PRKAG2: variants seen among roughly 807,000 people sequenced by gnomAD.
The protein encoded by PRKAG2 is protein kinase AMP-activated non-catalytic subunit gamma 2.
In PRKAG2, 26 loss-of-function variants were observed where a neutral mutation model predicts 69.6. The observed-to-expected ratio is 0.37, with a 90% CI of 0.27 to 0.52. The LOEUF (loss-of-function observed/expected upper bound fraction) is 0.52. Among genes scored for constraint, PRKAG2 ranks in the 20% least tolerant of loss-of-function variants. The pLI is 0.90. For missense variants in PRKAG2, 557 were observed against 740.0 expected, an observed-to-expected ratio of 0.75 and a Z score of 2.87; for synonymous variants, 293 against 285.0, an observed-to-expected ratio of 1.03 and a Z score of -0.28.
At chr7:151,865,828 G>C (rs1410957068) in intron 1 of PRKAG2, among the ~76,000 whole-genome samples, 1 of 152,128 alleles carries the variant, frequency 6.6e-6, no homozygotes, top group East Asian at 1.9e-4. Context: ...GACCATCCTG[G>C]CTAACACGGT....
At position 151,632,284 on chromosome 7, in the gene PRKAG2, CG is replaced by C. The variant is rs1824779550; in HGVS notation, c.685-147del. ...GGCAGGGGACGCGGGCAGCGGGGGC[CG>C]GGGGCGGAGCGGGAGCGCTGCCCCC... On this transcript the variant is annotated intron_variant, in intron 4 of 15. Coordinates refer to ENST00000287878, the MANE Select transcript of PRKAG2 (RefSeq NM_016203.4). The surrounding 1 kb of genome is among the most constrained non-coding windows in gnomAD (Gnocchi z 4.2). 1.1e-5 allele frequency: 11 copies of C among 986,212 alleles called. No homozygotes were observed. The highest frequency in any genetic ancestry group is 9.7e-5 in the East Asian group (1 of 10,346). 61.1% of individuals were successfully genotyped at this position (986,212 alleles called of 1,614,324 possible).
chr7:151,741,400 G>A (rs571827694), intron 3 of PRKAG2, among the ~76,000 whole-genome samples: 6 of 150,952 alleles, frequency 4.0e-5, no homozygotes, highest in Admixed American at 2.0e-4. Flanking sequence ...TTTCAAGGCC[G>A]GGCGCAGTGG....
At chr7:151,631,640 G>C in intron 5 of PRKAG2, 1 of 455,440 alleles carries the variant, frequency 2.2e-6, no homozygotes, top group Non-Finnish European at 4.4e-6. Context: ...CACCCTACCG[G>C]TCATATCTTC....
chr7:151,874,310 ATG>A (rs1185749118), intron 1 of PRKAG2, among the ~76,000 whole-genome samples: 2 of 110,524 alleles, frequency 1.8e-5, no homozygotes, highest in Non-Finnish European at 1.8e-5. Flanking sequence ...GTATATGTAT[ATG>A]TATATGATGT....
chr7:151,843,202 A>G (rs527657802), intron 1 of PRKAG2, among the ~76,000 whole-genome samples: 28 of 152,282 alleles, frequency 1.8e-4, no homozygotes, highest in African/African-American at 6.7e-4. Flanking sequence ...GCATATGTAC[A>G]CAGATAATAC....
Position 151,814,911 on chromosome 7 carries a change from C to G in PRKAG2, c.115-28370G>C, listed in dbSNP as rs945294581. Reference sequence around the variant, plus strand: ...AAGCCAGCAGGAGGGAGGGCTGGACCGGAGCTTTTAAAAAGACAGGCAGCA... The same window carrying G: ...AAGCCAGCAGGAGGGAGGGCTGGACGGGAGCTTTTAAAAAGACAGGCAGCA... On this transcript the variant is annotated intron_variant, in intron 1 of 15. Transcript: ENST00000287878. This position sits in a 1 kb window ranked among gnomAD's most constrained non-coding sequence, Gnocchi z 4.8. 1 of 1,224,950 alleles carries G rather than the reference C, an allele frequency of 8.2e-7. No homozygotes were observed. The highest frequency in any genetic ancestry group is 3.2e-5 in the East Asian group (1 of 31,696). The allele number at this position is 1,224,950 out of a possible 1,614,324, so 75.9% of individuals were successfully genotyped here. A position where few individuals can be genotyped will look rare whatever the true frequency, so the allele number is the denominator to read the frequency against.
chr7:151,854,082 C>T (rs983635584), intron 1 of PRKAG2, among the ~76,000 whole-genome samples: 1 of 152,196 alleles, frequency 6.6e-6, no homozygotes, highest in Non-Finnish European at 1.5e-5. Context: ...CTCCTGTCAC[C>T]CCAGCCAGCC....
chr7:151,874,169 A>G (rs1400275925), intron 1 of PRKAG2, among the ~76,000 whole-genome samples: 1 of 128,460 alleles, frequency 7.8e-6, no homozygotes, highest in Non-Finnish European at 1.6e-5. Context: ...GTATATGTAT[A>G]TGATGTATAT....
At chr7:151,706,110 G>A (rs895561151) in intron 3 of PRKAG2, among the ~76,000 whole-genome samples, 1 of 152,302 alleles carries the variant, frequency 6.6e-6, no homozygotes, top group South Asian at 2.1e-4. Flanking sequence ...CAACTTCAGT[G>A]TGACTCAGCA....
In PRKAG2 at chr7:151,559,964, C is replaced by T. The variant is rs544294368; in HGVS notation, c.1678+560G>A. ...CTTGTCTAAAGCCCTCTCCCGTTCT[C>T]TCTGCTCCTCACTGTCTGAGACTCT... is the stretch of plus-strand genomic sequence containing the variant. On this transcript the variant is annotated intron_variant, in intron 15 of 15. Coordinates refer to ENST00000287878, the MANE Select transcript of PRKAG2 (RefSeq NM_016203.4). 6.1e-6 allele frequency: 6 copies of T among 985,378 alleles called. No individual in the cohort carries two copies. The African/African-American group carries it at 8.7e-5, about 14-fold the overall frequency. The allele number at this position is 985,378 out of a possible 1,614,324, so 61.0% of individuals were successfully genotyped here. A position where few individuals can be genotyped will look rare whatever the true frequency, so the allele number is the denominator to read the frequency against.
intron 1 of PRKAG2, among the ~76,000 whole-genome samples, chr7:151,865,646 T>A (rs999037061): frequency 3.9e-5 from 6 of 152,174 alleles, no homozygotes; most frequent in Non-Finnish European, 8.8e-5. Context: ...ATTCCGAGTG[T>A]AGTGTTCATT....
At position 151,743,154 on chromosome 7, in the gene PRKAG2, T is replaced by C. The variant is rs373760088; in HGVS notation, c.466+37998A>G. Among the ~76,000 whole-genome samples the C allele has an allele frequency of 9.8e-5, 15 of 152,292 alleles. No individual in the cohort carries two copies. In the East Asian group the frequency reaches 2.9e-3, roughly 29 times the overall value. On this transcript the variant is annotated intron_variant, in intron 3 of 15. Coordinates refer to ENST00000287878, the MANE Select transcript of PRKAG2 (RefSeq NM_016203.4). ...AGAATGCTTTTCACACTCAGAATTC[T>C]TTTTTAAAGGGAGGGGCTGAAAAAG...
Position 151,877,090 on chromosome 7 carries a change from A to G in PRKAG2, c.-470T>C. ...CTGGAACCAGTAAGCCCGTTCGTGC[A>G]TAAATGTAATCCTCGGCCGCAGAAT... On this transcript the variant is annotated 5_prime_UTR_variant, in exon 1 of 16. The change abolishes an upstream ATG in the 5' untranslated region. Transcript: ENST00000287878. The G allele has an allele frequency of 4.8e-6, 1 of 209,234 alleles. No individual in the cohort carries two copies. The highest frequency in any genetic ancestry group is 9.9e-6 in the Non-Finnish European group (1 of 100,972). 13.0% of individuals were successfully genotyped at this position (209,234 alleles called of 1,614,324 possible).
chr7:151,795,921 A>G (rs958634660), intron 1 of PRKAG2, among the ~76,000 whole-genome samples: 13 of 142,954 alleles, frequency 9.1e-5, no homozygotes, highest in African/African-American at 3.1e-4. Flanking sequence ...ATCATGTTAT[A>G]TACATTATAT....
intron 3 of PRKAG2, among the ~76,000 whole-genome samples, chr7:151,739,912 C>A (rs959413202): frequency 1.3e-5 from 2 of 152,234 alleles, no homozygotes; most frequent in South Asian, 4.1e-4. Flanking sequence ...TGAGCCCTCC[C>A]TCATCACTCC....
At chr7:151,662,348 C>T (rs953221) in intron 4 of PRKAG2, among the ~76,000 whole-genome samples, 42,014 of 152,144 alleles carry the variant, frequency 0.28, 7,007 homozygotes, top group Admixed American at 0.37. Context: ...TCTACTTCTC[C>T]GTCCAGTGTT....
chr7:151,765,659 C>T (rs2075696719), intron 3 of PRKAG2, among the ~76,000 whole-genome samples: 2 of 152,186 alleles, frequency 1.3e-5, no homozygotes, highest in Admixed American at 6.5e-5. Flanking sequence ...TAAATAATTA[C>T]ACCTGCCATG....
rs529677713 is a variant in PRKAG2 at position 151,614,526 on chromosome 7, G to A, written c.754+17543C>T. 6.6e-6 allele frequency among the ~76,000 whole-genome samples: 1 copy of A among 152,176 alleles called. No individual in the cohort carries two copies. Among genetic ancestry groups the A allele is most frequent in the East Asian group, 1.9e-4 (1 of 5,150 alleles). On this transcript the variant is annotated intron_variant, in intron 5 of 15. Coordinates refer to ENST00000287878, the MANE Select transcript of PRKAG2 (RefSeq NM_016203.4). The surrounding 1 kb of genome is among the most constrained non-coding windows in gnomAD (Gnocchi z 4.4). Reference sequence around the variant, plus strand: ...TCTCTGAGACCCTGCTCCCTCCATCGTGACTCTCCGTCCCATCCCTGCGTG... The same window carrying A: ...TCTCTGAGACCCTGCTCCCTCCATCATGACTCTCCGTCCCATCCCTGCGTG...
At chr7:151,868,174 T>A (rs918753340) in intron 1 of PRKAG2, among the ~76,000 whole-genome samples, 6 of 152,238 alleles carry the variant, frequency 3.9e-5, no homozygotes, top group African/African-American at 1.4e-4. Context: ...CAGAGAGGGC[T>A]TCCTGTCAAC....
Sources: allele counts gnomAD v4.1 joint callset (sites outside exome capture counted in the v4.1 genomes callset), GRCh38; gene constraint gnomAD v4.1.1; non-coding constraint Gnocchi (gnomAD v3.1); transcripts MANE v1.5; gene names NCBI Gene and HGNC (gene_info 2026-07-23, HGNC 2026-07-21).